ARHGAP35: variants seen among roughly 807,000 people sequenced by gnomAD.
ARHGAP35 encodes the protein Rho GTPase activating protein 35, also known as rho GTPase-activating protein 35.
Under a neutral mutation model 111.1 loss-of-function variants are expected in ARHGAP35, and 15 were observed. The observed-to-expected ratio is 0.13, with a 90% CI of 0.09 to 0.21. ARHGAP35 has a LOEUF of 0.21. Among genes scored for constraint, ARHGAP35 ranks in the 10% least tolerant of loss-of-function variants. The pLI, the probability that ARHGAP35 is intolerant of heterozygous loss-of-function variation, is 1.00. For synonymous variants in ARHGAP35, 643 were observed against 710.3 expected, an observed-to-expected ratio of 0.91 and a Z score of 1.51; for missense variants, 1,262 against 1,873.0, an observed-to-expected ratio of 0.67 and a Z score of 6.02.
chr19:46,896,581 G>A (rs974637430), intron 1 of ARHGAP35, among the ~76,000 whole-genome samples: 5 of 152,284 alleles, frequency 3.3e-5, no homozygotes, highest in African/African-American at 7.2e-5. Flanking sequence ...GAAAGCTCAC[G>A]CTGTGCAGCA....
rs2056081541 is a variant in ARHGAP35 at position 46,901,054 on chromosome 19, C to T, written c.-188-17434C>T. ...TTCCATGAGGCAGGCATCTTTGTCTCTTTTGTTCATTGCTGTATCCACATG... is the reference window on the plus strand; with the variant it reads ...TTCCATGAGGCAGGCATCTTTGTCTTTTTTGTTCATTGCTGTATCCACATG... On this transcript the variant is annotated intron_variant, in intron 1 of 6. Coordinates refer to ENST00000672722, the MANE Select transcript of ARHGAP35 (RefSeq NM_004491.5). The surrounding 1 kb of genome is among the most constrained non-coding windows in gnomAD (Gnocchi z 4.5). 6.6e-6 allele frequency among the ~76,000 whole-genome samples: 1 copy of T among 152,240 alleles called. No homozygotes were observed. The highest frequency in any genetic ancestry group is 2.4e-5 in the African/African-American group (1 of 41,472).
intron 1 of ARHGAP35, among the ~76,000 whole-genome samples, chr19:46,896,132 A>T (rs8113481): frequency 1.3e-5 from 2 of 151,798 alleles, no homozygotes; most frequent in Non-Finnish European, 2.9e-5. Flanking sequence ...AGCCCAGCAC[A>T]GTGGCTCACA....
chr19:46,950,607 T>C (rs1041443792), intron 3 of ARHGAP35, among the ~76,000 whole-genome samples: 8 of 152,184 alleles, frequency 5.3e-5, no homozygotes, highest in East Asian at 3.8e-4. Context: ...TGGTGTGTTT[T>C]TGTATCTTCG....
intron 5 of ARHGAP35, among the ~76,000 whole-genome samples, chr19:46,996,165 A>G (rs1376697900): frequency 1.3e-5 from 2 of 152,162 alleles, no homozygotes; most frequent in African/African-American, 2.4e-5. Flanking sequence ...GCACAGTGGC[A>G]CGATCTTGGC....
intron 1 of ARHGAP35, among the ~76,000 whole-genome samples, 93 bp downstream of exon 1, chr19:46,861,302 C>A (rs1482188881): frequency 1.3e-5 from 2 of 150,602 alleles, no homozygotes; most frequent in Non-Finnish European, 1.5e-5. Flanking sequence ...GGGCCCGGAG[C>A]CCGCGAACAA....
intron 1 of ARHGAP35, among the ~76,000 whole-genome samples, chr19:46,871,055 C>T (rs1348665794): frequency 6.6e-6 from 1 of 152,084 alleles, no homozygotes; most frequent in African/African-American, 2.4e-5. Flanking sequence ...CAAATGTGAA[C>T]ATGTAGGATG....
chr19:46,950,334 A>G (rs2056404330), intron 3 of ARHGAP35, among the ~76,000 whole-genome samples: 2 of 152,122 alleles, frequency 1.3e-5, no homozygotes, highest in Non-Finnish European at 2.9e-5. Flanking sequence ...CTTCCTGGAC[A>G]TTTGGGTACT....
intron 3 of ARHGAP35, among the ~76,000 whole-genome samples, chr19:46,951,794 G>C (rs2056414660): frequency 6.6e-6 from 1 of 152,182 alleles, no homozygotes; most frequent in Admixed American, 6.5e-5. Flanking sequence ...TGGTCTTCAA[G>C]ACCCAGTATG....
chr19:46,910,646 G>A lies in ARHGAP35; in HGVS notation c.-188-7842G>A, dbSNP rs550889916. 3.4e-3 allele frequency among the ~76,000 whole-genome samples: 520 copies of A among 152,136 alleles called. 4 individuals are homozygous for A. Among genetic ancestry groups the A allele is most frequent in the Middle Eastern group, 6.8e-3 (2 of 294 alleles). On this transcript the variant is annotated intron_variant, in intron 1 of 6. Transcript: ENST00000672722. ...ACTCTGTTGCCCAGGCTGGAGTGCA[G>A]TGGTGCAGTCTCAGCTCACTGCAAC...
chr19:46,942,880 A>T (rs2056357207), intron 3 of ARHGAP35, among the ~76,000 whole-genome samples: 1 of 151,860 alleles, frequency 6.6e-6, no homozygotes, highest in Non-Finnish European at 1.5e-5. Context: ...ATCATTTCAC[A>T]TACAGTTCAT....
At chr19:46,985,463 G>C (rs570829180) in intron 3 of ARHGAP35, among the ~76,000 whole-genome samples, 1 of 152,342 alleles carries the variant, frequency 6.6e-6, no homozygotes, top group East Asian at 1.9e-4. Context: ...CAGGACAGTG[G>C]CAGAGTCCCC....
chr19:46,902,966 A>C (rs1298748160), intron 1 of ARHGAP35, among the ~76,000 whole-genome samples: 2 of 152,168 alleles, frequency 1.3e-5, no homozygotes, highest in Admixed American at 6.5e-5. Flanking sequence ...TTTGGTATGA[A>C]CAGATTATAT....
At chr19:46,984,313 A>G (rs1395681283) in intron 3 of ARHGAP35, among the ~76,000 whole-genome samples, 1 of 152,118 alleles carries the variant, frequency 6.6e-6, no homozygotes, top group Non-Finnish European at 1.5e-5. Flanking sequence ...AGTCACCCCT[A>G]GGGTGTTTCC....
intron 3 of ARHGAP35, among the ~76,000 whole-genome samples, chr19:46,955,259 A>G (rs2122255395): frequency 6.6e-6 from 1 of 152,308 alleles, no homozygotes; most frequent in Middle Eastern, 3.4e-3. Flanking sequence ...TATATTAAGT[A>G]TAGGTATTAA....
chr19:46,888,789 C>G (rs549147263), intron 1 of ARHGAP35, among the ~76,000 whole-genome samples: 1 of 139,538 alleles, frequency 7.2e-6, no homozygotes, highest in Non-Finnish European at 1.5e-5. Flanking sequence ...GCCAGGAGAT[C>G]GAGACCATCC....
intron 1 of ARHGAP35, among the ~76,000 whole-genome samples, chr19:46,889,233 AG>A (rs2056011543): frequency 6.6e-6 from 1 of 152,176 alleles, no homozygotes; most frequent in Non-Finnish European, 1.5e-5. Flanking sequence ...TGGGAGGCTG[AG>A]GTGGGCAGTT....
rs1203261527 is a variant in ARHGAP35 at position 46,945,217 on chromosome 19, GACTA to G, written c.3826+7813_3826+7816del. On this transcript the variant is annotated intron_variant, in intron 3 of 6. Transcript: ENST00000672722. This position sits in a 1 kb window ranked among gnomAD's most constrained non-coding sequence, Gnocchi z 4.1. ...GGGTTGAGGGGGAGCTTAAGAGTCA[GACTA>G]ACTTTCTATTTCTAGCTTGAATGCT... Among the ~76,000 whole-genome samples the G allele has an allele frequency of 6.6e-6, 1 of 152,116 alleles. No homozygotes were observed. The highest frequency in any genetic ancestry group is 1.5e-5 in the Non-Finnish European group (1 of 68,012).
In ARHGAP35 at chr19:47,000,259, G is replaced by A. The variant is rs2056738803; in HGVS notation, c.4143-72G>A. On this transcript the variant is annotated intron_variant, in intron 6 of 6. Coordinates refer to ENST00000672722, the MANE Select transcript of ARHGAP35 (RefSeq NM_004491.5). The surrounding 1 kb of genome is among the most constrained non-coding windows in gnomAD (Gnocchi z 6.9). ...GAAAGGTGGGCTCAGCCTGGGTGCT[G>A]AAGACCATGAGCGCCCAGGGCCAGG... The A allele has an allele frequency of 2.0e-6, 3 of 1,502,040 alleles. No individual in the cohort carries two copies. Among genetic ancestry groups the A allele is most frequent in the Non-Finnish European group, 1.8e-6 (2 of 1,102,652 alleles). 93.0% of individuals were successfully genotyped at this position (1,502,040 alleles called of 1,614,324 possible). A position where few individuals can be genotyped will look rare whatever the true frequency, so the allele number is the denominator to read the frequency against.
intron 3 of ARHGAP35, among the ~76,000 whole-genome samples, chr19:46,976,790 G>A (rs2056582229): frequency 6.6e-6 from 1 of 152,214 alleles, no homozygotes; most frequent in African/African-American, 2.4e-5. Flanking sequence ...GGCCCTTGGT[G>A]GAGCTGGCCT....
Sources: gnomAD v4.1 joint callset for allele counts (sites outside exome capture counted in the v4.1 genomes callset) on GRCh38, gnomAD v4.1.1 for gene constraint, Gnocchi (gnomAD v3.1) non-coding constraint, MANE v1.5 for transcripts, NCBI Gene and HGNC (gene_info 2026-07-23, HGNC 2026-07-21) for gene names.